The following IQUB variants were observed in gnomAD, a reference collection of about 807,000 sequenced individuals.
IQUB encodes the protein IQ motif and ubiquitin domain containing.
Under a neutral mutation model 86.4 loss-of-function variants are expected in IQUB, and 86 were observed. That is an observed-to-expected ratio of 1.00 (90% CI 0.84 to 1.19). The LOEUF is 1.19. Ranked by LOEUF, IQUB falls within the 50% of genes most tolerant of loss-of-function variation. The probability of loss-of-function intolerance (pLI) is 0.00; values close to 1 mark genes in which losing one functional copy is unlikely to be tolerated. For synonymous variants in IQUB, 289 were observed against 304.5 expected (o/e 0.95, Z 0.53); for missense variants, 946 against 916.9 (o/e 1.03, Z -0.41).
At chr7:123,509,875 T>C in intron 3 of IQUB, 26 bp downstream of exon 3, 1 of 1,571,796 alleles carries the variant, frequency 6.4e-7, no homozygotes, top group Non-Finnish European at 8.6e-7. Flanking sequence ...AAAGTCTTGA[T>C]ATGTTTTATT....
rs537318717 is a variant in IQUB at position 123,503,729 on chromosome 7, T to C, written c.533-366A>G. On this transcript the variant is annotated intron_variant, in intron 3 of 12. Transcript: ENST00000324698. ...GAACACATATCATTTAATTATTAAATATACTATTAATATATTTACTCATAG... is the reference window on the plus strand; with the variant it reads ...GAACACATATCATTTAATTATTAAACATACTATTAATATATTTACTCATAG... Among the ~76,000 whole-genome samples, 3 of 151,926 alleles carry C rather than the reference T, an allele frequency of 2.0e-5. No homozygotes were observed. In the East Asian group the frequency reaches 5.8e-4, roughly 29 times the overall value.
chr7:123,507,870 CA>C (rs36049359), intron 3 of IQUB, among the ~76,000 whole-genome samples: 326 of 132,024 alleles, frequency 2.5e-3, no homozygotes, highest in South Asian at 5.1e-3. Flanking sequence ...GACTCCATCT[CA>C]AAAAAAAAAA....
chr7:123,460,231 T>C (rs1458707673), intron 11 of IQUB, among the ~76,000 whole-genome samples: 1 of 151,910 alleles, frequency 6.6e-6, no homozygotes, highest in African/African-American at 2.4e-5. Flanking sequence ...GATAGGATTT[T>C]TGTGCTGATT....
At chr7:123,481,206 A>G (rs187531913) in intron 7 of IQUB, among the ~76,000 whole-genome samples, 9 of 152,224 alleles carry the variant, frequency 5.9e-5, no homozygotes, top group African/African-American at 1.9e-4. Flanking sequence ...CTTGTGCCAC[A>G]TGGTATTCCT....
chr7:123,453,684 G>GC (rs1758223017), intron 12 of IQUB, among the ~76,000 whole-genome samples: 2 of 151,960 alleles, frequency 1.3e-5, no homozygotes, highest in Non-Finnish European at 2.9e-5. Context: ...CACCATACTA[G>GC]CCCCAAACTG....
rs555224262 is a variant in IQUB, at chr7:123,474,462, G to T, written c.1411-5078C>A. On this transcript the variant is annotated intron_variant, in intron 8 of 12. Coordinates refer to ENST00000324698, the MANE Select transcript of IQUB (RefSeq NM_178827.5). Reference sequence around the variant, plus strand: ...ATTAGAGATAATACTAGGCTTGGGGGTGGGGGAGGTTGACAAGCATAGAGA... The same window carrying T: ...ATTAGAGATAATACTAGGCTTGGGGTTGGGGGAGGTTGACAAGCATAGAGA... 2.2e-3 allele frequency among the ~76,000 whole-genome samples: 330 copies of T among 152,240 alleles called. 4 individuals are homozygous for T. The South Asian group carries it at 0.047, about 22-fold the overall frequency.
At chr7:123,468,881 T>C (rs1794386199) in intron 9 of IQUB, among the ~76,000 whole-genome samples, 1 of 152,198 alleles carries the variant, frequency 6.6e-6, no homozygotes, top group Non-Finnish European at 1.5e-5. Context: ...AAAAATACAA[T>C]GGTGCTGCTT....
chr7:123,516,417 C>A (rs939265403), intron 1 of IQUB, among the ~76,000 whole-genome samples: 1 of 152,056 alleles, frequency 6.6e-6, no homozygotes, highest in Non-Finnish European at 1.5e-5. Context: ...TATCATAATT[C>A]ATTAATCTGT....
intron 8 of IQUB, among the ~76,000 whole-genome samples, chr7:123,474,515 T>A (rs371997178): frequency 3.4e-4 from 52 of 152,322 alleles, no homozygotes; most frequent in Admixed American, 3.1e-3. Flanking sequence ...AGTATTCACA[T>A]CAAAAGACTA....
At chr7:123,488,437 G>A (rs375160596) in intron 7 of IQUB, among the ~76,000 whole-genome samples, 9 of 152,010 alleles carry the variant, frequency 5.9e-5, no homozygotes, top group Admixed American at 1.3e-4. Context: ...GGTAGAATCC[G>A]TGGTGGGAGG....
At chr7:123,514,712 T>A (rs1349287473) in intron 1 of IQUB, among the ~76,000 whole-genome samples, 1 of 152,168 alleles carries the variant, frequency 6.6e-6, no homozygotes, top group East Asian at 1.9e-4. Context: ...GTATACACAG[T>A]ACCCACTGAA....
chr7:123,501,955 T>C (rs965750221), intron 6 of IQUB: 4 of 152,210 alleles, frequency 2.6e-5, no homozygotes, highest in African/African-American at 9.6e-5. Context: ...GTTAACCCCA[T>C]GGTTCCCCTG....
chr7:123,487,924 G>A (rs1013174219), intron 7 of IQUB, among the ~76,000 whole-genome samples: 1 of 152,118 alleles, frequency 6.6e-6, no homozygotes, highest in African/African-American at 2.4e-5. Context: ...TCCTTTCAGA[G>A]TAGTTTGAAA....
In IQUB at chr7:123,460,365, T is replaced by C. The variant is rs76452842; in HGVS notation, c.2007+992A>G. On this transcript the variant is annotated intron_variant, in intron 11 of 12. Transcript: ENST00000324698. Reference sequence around the variant, plus strand: ...TTGAGATTTAAAAGTTTGAAAGCTATGGATTTAGAAGAATTTTTTAACAAA... The same window carrying C: ...TTGAGATTTAAAAGTTTGAAAGCTACGGATTTAGAAGAATTTTTTAACAAA... Among the ~76,000 whole-genome samples the C allele has an allele frequency of 1.7e-3, 266 of 152,052 alleles. 4 individuals are homozygous for C. In the East Asian group the frequency reaches 0.047, roughly 27 times the overall value.
At chr7:123,526,647 T>C (rs1170696706) in intron 1 of IQUB, among the ~76,000 whole-genome samples, 1 of 151,494 alleles carries the variant, frequency 6.6e-6, no homozygotes, top group Admixed American at 6.6e-5. Context: ...CTTGACTCTT[T>C]ATCCAATTTG....
At chr7:123,468,944 A>G (rs867669607) in intron 9 of IQUB, among the ~76,000 whole-genome samples, 4 of 152,234 alleles carry the variant, frequency 2.6e-5, no homozygotes, top group Non-Finnish European at 5.9e-5. Context: ...TATGTAGATT[A>G]TAATTGCTGT....
chr7:123,494,808 T>C (rs1795639881), intron 7 of IQUB, among the ~76,000 whole-genome samples: 1 of 152,096 alleles, frequency 6.6e-6, no homozygotes, highest in Admixed American at 6.6e-5. Context: ...TTTTGATAGA[T>C]GAAGAAATCG....
intron 3 of IQUB, among the ~76,000 whole-genome samples, chr7:123,507,074 C>T (rs561147682): frequency 1.8e-4 from 27 of 152,172 alleles, no homozygotes; most frequent in Non-Finnish European, 3.2e-4. Flanking sequence ...TATGGCCCTT[C>T]TAAATTGCAG....
intron 1 of IQUB, among the ~76,000 whole-genome samples, chr7:123,527,194 G>T (rs1482835774): frequency 6.6e-6 from 1 of 151,968 alleles, no homozygotes; most frequent in Non-Finnish European, 1.5e-5. Flanking sequence ...TTCTTTATTG[G>T]TTATTGTAGT....
Sources: allele counts gnomAD v4.1 joint callset (sites outside exome capture counted in the v4.1 genomes callset), GRCh38; gene constraint gnomAD v4.1.1; transcripts MANE v1.5; gene names NCBI Gene and HGNC (gene_info 2026-07-23, HGNC 2026-07-21).